The following SLC2A13 variants were observed in gnomAD, a reference collection of about 807,000 sequenced individuals.
SLC2A13 encodes solute carrier family 2 member 13, also known as proton myo-inositol cotransporter.
In SLC2A13, 32 loss-of-function variants were observed where a neutral mutation model predicts 64.4. That is an observed-to-expected ratio of 0.50 (90% CI 0.37 to 0.67). The LOEUF (loss-of-function observed/expected upper bound fraction) is 0.67. Ranked by LOEUF, SLC2A13 falls within the 30% of genes least tolerant of loss-of-function variation. The pLI is 0.00. For missense variants in SLC2A13, 743 were observed against 829.2 expected (o/e 0.90, Z 1.28); for synonymous variants, 338 against 327.1 (o/e 1.03, Z -0.36).
intron 4 of SLC2A13, among the ~76,000 whole-genome samples, chr12:39,875,529 G>T (rs1474785177): frequency 6.6e-6 from 1 of 152,182 alleles, no homozygotes; most frequent in East Asian, 1.9e-4. Context: ...ATGTTTGTAT[G>T]TCCTTGGGGG....
chr12:40,082,266 AGAT>A (rs1186198753), intron 1 of SLC2A13, among the ~76,000 whole-genome samples: 1 of 152,272 alleles, frequency 6.6e-6, no homozygotes, highest in African/African-American at 2.4e-5. Context: ...AGGTTAAGAA[AGAT>A]GATACAAACA....
intron 1 of SLC2A13, among the ~76,000 whole-genome samples, chr12:40,074,587 G>T (rs1938093951): frequency 6.6e-6 from 1 of 152,080 alleles, no homozygotes; most frequent in Non-Finnish European, 1.5e-5. Flanking sequence ...TTATCCATTA[G>T]AGCCCTTAGC....
At chr12:40,101,322 T>G (rs1177102178) in intron 1 of SLC2A13, among the ~76,000 whole-genome samples, 3 of 152,196 alleles carry the variant, frequency 2.0e-5, no homozygotes, top group African/African-American at 7.2e-5. Flanking sequence ...CTTAAGGTCT[T>G]TTACTATACA....
rs577708992 is a variant in SLC2A13, at chr12:39,910,830, A to T, written c.1035-38869T>A. ...CCAGGTGTGGTAGCTCATGCCTGTG[A>T]TCCCAGCACTTTGGGAGGGTGAGGC... On this transcript the variant is annotated intron_variant, in intron 4 of 9. Transcript: ENST00000280871. Among the ~76,000 whole-genome samples, 3 of 152,198 alleles carry T rather than the reference A, an allele frequency of 2.0e-5. No homozygotes were observed. The East Asian group carries it at 5.8e-4, about 29-fold the overall frequency.
intron 4 of SLC2A13, among the ~76,000 whole-genome samples, chr12:39,899,791 T>C (rs567839825): frequency 7.4e-4 from 113 of 152,272 alleles, no homozygotes; most frequent in South Asian, 3.5e-3. Flanking sequence ...TTGAGCAGTT[T>C]TGAGTGAGTT....
intron 4 of SLC2A13, among the ~76,000 whole-genome samples, chr12:39,915,193 T>C (rs1945503187): frequency 6.6e-6 from 1 of 151,968 alleles, no homozygotes; most frequent in African/African-American, 2.4e-5. Context: ...GATGATATTA[T>C]AAAACAAAAT....
rs1468912300 is a variant in SLC2A13 at position 39,764,574 on chromosome 12, A to G, written c.1606T>C (p.Tyr536His). The G allele has an allele frequency of 6.2e-7, 1 of 1,608,942 alleles. No individual in the cohort carries two copies. The highest frequency in any genetic ancestry group is 2.2e-5 in the East Asian group (1 of 44,808). Reference sequence around the variant, plus strand: ...CCTGTACTTCTTGCCCAAAGGGGATATATTTCAGAATTCACAGTCCAAGGC... The same window carrying G: ...CCTGTACTTCTTGCCCAAAGGGGATGTATTTCAGAATTCACAGTCCAAGGC... ...PMPWTVNSEIYPLWARSTGNA... is the reference protein window; with the variant it reads ...PMPWTVNSEIHPLWARSTGNA... Residue 536 changes from tyrosine (Y) to histidine (H), a missense_variant, in exon 9 of 10, where the codon TAT (tyrosine) becomes CAT (histidine). Physicochemically the swap from Tyr to His is moderately conservative, Grantham distance 83. Around this residue, in one of 2 missense-constraint regions of SLC2A13, gnomAD observed 295 missense variants for 381.7 expected, o/e 0.77. Transcript: ENST00000280871.
chr12:39,927,201 C>A (rs1490986825), intron 4 of SLC2A13, among the ~76,000 whole-genome samples: 1 of 152,128 alleles, frequency 6.6e-6, no homozygotes, highest in Non-Finnish European at 1.5e-5. Context: ...CACACCCATT[C>A]CTTTTATGAA....
chr12:39,902,482 A>G (rs901633379), intron 4 of SLC2A13, among the ~76,000 whole-genome samples: 6 of 152,054 alleles, frequency 3.9e-5, no homozygotes, highest in African/African-American at 1.4e-4. Flanking sequence ...TACTTCTTGT[A>G]ATAAATTAAA....
At chr12:39,836,265 C>T (rs1943000534) in intron 6 of SLC2A13, among the ~76,000 whole-genome samples, 1 of 152,134 alleles carries the variant, frequency 6.6e-6, no homozygotes, top group Non-Finnish European at 1.5e-5. Context: ...GATGTGAGTG[C>T]TGGGGGAACT....
chr12:40,105,597 T>C lies in SLC2A13; in HGVS notation c.212A>G (p.Gln71Arg). The C allele has an allele frequency of 6.5e-7, 1 of 1,530,476 alleles. No homozygotes were observed. The allele number at this position is 1,530,476 out of a possible 1,614,324, so 94.8% of individuals were successfully genotyped here. A position where few individuals can be genotyped will look rare whatever the true frequency, so the allele number is the denominator to read the frequency against. Residue 71 changes from glutamine (Q) to arginine (R), a missense_variant, in exon 1 of 10, where the codon CAG (glutamine) becomes CGG (arginine). Coordinates refer to ENST00000280871, the MANE Select transcript of SLC2A13 (RefSeq NM_052885.4). This position sits in a 1 kb window ranked among gnomAD's most constrained non-coding sequence, Gnocchi z 4.2. ...VGDLERAARR[Q>R]FQQDETPAFV... Reference sequence around the variant, plus strand: ...GGCGGGGGTCTCGTCCTGCTGGAACTGCCGCCGCGCCGCGCGCTCCAGGTC... The same window carrying C: ...GGCGGGGGTCTCGTCCTGCTGGAACCGCCGCCGCGCCGCGCGCTCCAGGTC...
In SLC2A13 at chr12:39,789,897, T is replaced by G. The variant is rs560682505; in HGVS notation, c.1446-25039A>C. Among the ~76,000 whole-genome samples the G allele has an allele frequency of 8.6e-4, 131 of 152,266 alleles. 1 individual carries two copies. The highest frequency in any genetic ancestry group is 1.6e-3 in the Non-Finnish European group (108 of 68,016). ...AATTGGACAGTTTGCCTATTTCTGA[T>G]TGGTTCATAGGAACGTCCAGATATA... is the stretch of plus-strand genomic sequence containing the variant. On this transcript the variant is annotated intron_variant, in intron 7 of 9. Coordinates refer to ENST00000280871, the MANE Select transcript of SLC2A13 (RefSeq NM_052885.4).
chr12:39,896,241 T>C (rs547987095), intron 4 of SLC2A13, among the ~76,000 whole-genome samples: 1 of 100,958 alleles, frequency 9.9e-6, no homozygotes, highest in African/African-American at 3.6e-5. Flanking sequence ...TATGTGTATA[T>C]ATGTATACAT....
chr12:39,955,320 T>A (rs756605154), intron 3 of SLC2A13, among the ~76,000 whole-genome samples: 2 of 152,160 alleles, frequency 1.3e-5, no homozygotes, highest in Non-Finnish European at 2.9e-5. Flanking sequence ...TATAAAAATT[T>A]GTGGAATGGA....
chr12:39,941,329 T>C (rs1426236059), intron 4 of SLC2A13, among the ~76,000 whole-genome samples: 1 of 152,180 alleles, frequency 6.6e-6, no homozygotes, highest in Non-Finnish European at 1.5e-5. Flanking sequence ...CTACTTCTAG[T>C]TCTTTAAGGA....
intron 6 of SLC2A13, among the ~76,000 whole-genome samples, chr12:39,851,124 T>A (rs539176869): frequency 9.2e-5 from 14 of 152,232 alleles, no homozygotes; most frequent in Middle Eastern, 6.8e-3. Context: ...GGTCTCGAAC[T>A]CCCGACCTCA....
At chr12:39,910,737 T>A (rs1396421227) in intron 4 of SLC2A13, among the ~76,000 whole-genome samples, 1 of 152,010 alleles carries the variant, frequency 6.6e-6, no homozygotes, top group Non-Finnish European at 1.5e-5. Flanking sequence ...TATGTGTGGT[T>A]TAATTAATTG....
At chr12:39,952,244 C>G (rs1946244311) in intron 3 of SLC2A13, among the ~76,000 whole-genome samples, 1 of 152,068 alleles carries the variant, frequency 6.6e-6, no homozygotes, top group Non-Finnish European at 1.5e-5. Flanking sequence ...GTCACCTTAG[C>G]TTTAAGAGGC....
intron 3 of SLC2A13, among the ~76,000 whole-genome samples, chr12:39,974,974 T>A (rs1233371481): frequency 6.6e-6 from 1 of 152,222 alleles, no homozygotes; most frequent in Non-Finnish European, 1.5e-5. Flanking sequence ...TATAGCTAAA[T>A]TTTACTTTTC....
Sources: allele counts gnomAD v4.1 joint callset (sites outside exome capture counted in the v4.1 genomes callset), GRCh38; gene constraint gnomAD v4.1.1; regional missense constraint gnomAD v4.1.1; non-coding constraint Gnocchi (gnomAD v3.1); transcripts MANE v1.5; gene names NCBI Gene and HGNC (gene_info 2026-07-23, HGNC 2026-07-21).